Variants in WDR81 observed in about 807,000 individuals in gnomAD.
The protein encoded by WDR81 is WD repeat domain 81.
Under a neutral mutation model 140.8 loss-of-function variants are expected in WDR81, and 92 were observed. The ratio of observed to expected loss-of-function variants is 0.65; its 90% confidence interval spans 0.55 to 0.78. The LOEUF is 0.78. Ranked by LOEUF, WDR81 falls within the 30% of genes least tolerant of loss-of-function variation. The pLI is 0.00. For synonymous variants in WDR81, 1,183 were observed against 1,156.4 expected, an observed-to-expected ratio of 1.02 and a Z score of -0.47; for missense variants, 2,502 against 2,636.4, an observed-to-expected ratio of 0.95 and a Z score of 1.12.
chr17:1,735,726 G>A lies in WDR81; in HGVS notation c.5325+9G>A. ...GGAAGCCTGGTCTGCAGGTCAGGGG[G>A]GTCCAGTTCCCTGAGCACTCGCCTG... On this transcript the variant is annotated intron_variant, in intron 8 of 9. Transcript: ENST00000409644. This position sits in a 1 kb window ranked among gnomAD's most constrained non-coding sequence, Gnocchi z 4.2. 1 of 1,605,502 alleles carries A rather than the reference G, an allele frequency of 6.2e-7. No individual in the cohort carries two copies. The highest frequency in any genetic ancestry group is 8.5e-7 in the Non-Finnish European group (1 of 1,176,138).
At chr17:1,730,322 G>A (rs1915603394) in intron 1 of WDR81, 58 bp from the exon 2 acceptor site, 1 of 1,422,696 alleles carries the variant, frequency 7.0e-7, no homozygotes, top group Non-Finnish European at 9.6e-7. Flanking sequence ...GGGGTGGGGT[G>A]GGAGGGGTGA....
chr17:1,731,318 G>C (rs1213164271), intron 4 of WDR81, 60 bp downstream of exon 4: 5 of 1,549,624 alleles, frequency 3.2e-6, no homozygotes, highest in Admixed American at 1.9e-5. Flanking sequence ...TGCCCAGGAG[G>C]GGGTGGGAAG....
At position 1,737,946 on chromosome 17, in the gene WDR81, G is replaced by C. The variant is rs1905026527; in HGVS notation, c.*261G>C. ...CCTAGCAAGCAGGAAGTTAAGAGCAGGAGGAAGCGTTGCTACCTTCACTTC... is the reference window on the plus strand; with the variant it reads ...CCTAGCAAGCAGGAAGTTAAGAGCACGAGGAAGCGTTGCTACCTTCACTTC... On this transcript the variant is annotated 3_prime_UTR_variant, in exon 10 of 10. Transcript: ENST00000409644. 9 of 574,842 alleles carry C rather than the reference G, an allele frequency of 1.6e-5. No individual in the cohort carries two copies. The South Asian group carries it at 2.0e-4, about 13-fold the overall frequency. 35.6% of individuals were successfully genotyped at this position (574,842 alleles called of 1,614,324 possible). A position where few individuals can be genotyped will look rare whatever the true frequency, so the allele number is the denominator to read the frequency against.
rs750321541 is a variant in WDR81 at position 1,725,839 on chromosome 17, A to C, written c.880A>C (p.Lys294Gln). Residue 294 changes from lysine (K) to glutamine (Q), a missense_variant, in exon 1 of 10, where the codon AAG becomes CAG. This residue lies in a region of WDR81 where 547 missense variants were observed against 513.8 expected (regional missense o/e 1.06). Coordinates refer to ENST00000409644, the MANE Select transcript of WDR81 (RefSeq NM_001163809.2). ...TTTGTATCACATCGCAGTGGATGAG[A>C]AGCTTTGCAGCGAGCTGCGACTGGA... ...LSLYHIAVDE[K>Q]LCSELRLDLS... 362 of 1,550,568 alleles carry C rather than the reference A, an allele frequency of 2.3e-4. No homozygotes were observed. Among genetic ancestry groups the C allele is most frequent in the Non-Finnish European group, 3.0e-4 (339 of 1,146,910 alleles).
intron 1 of WDR81, among the ~76,000 whole-genome samples, chr17:1,718,373 C>T (rs561203253): frequency 6.6e-6 from 1 of 152,356 alleles, no homozygotes; most frequent in East Asian, 1.9e-4. Context: ...CCGCCTCGGT[C>T]TCCCAAAGTG....
rs1238396733 is a variant in WDR81, at chr17:1,734,078, G to A, written c.5041G>A (p.Gly1681Ser). The change falls in exon 7 of 10, where the codon GGC becomes AGC. Residue 1681 changes from glycine (G) to serine (S), a missense_variant. By Grantham distance (56) the Gly-to-Ser change is moderately conservative. Around this residue, in one of 3 missense-constraint regions of WDR81, gnomAD observed 1,737 missense variants for 1,843.0 expected, o/e 0.94. Transcript: ENST00000409644. ...GCGCCTCTGGCCGCTGTACAACTAC[G>A]GCGACGGGACCAGCGAGACGGCCCC... ...TVRLWPLYNY[G>S]DGTSETAPRL... 2.1e-5 allele frequency: 34 copies of A among 1,604,352 alleles called. No homozygotes were observed. The highest frequency in any genetic ancestry group is 2.7e-5 in the Non-Finnish European group (32 of 1,179,902).
chr17:1,722,734 C>G (rs1390740370), upstream of WDR81, among the ~76,000 whole-genome samples: 4 of 150,866 alleles, frequency 2.7e-5, no homozygotes, highest in African/African-American at 9.8e-5. Flanking sequence ...ACTCTGCCAC[C>G]CAGGCTGGAG....
chr17:1,725,738 T>C lies in WDR81; in HGVS notation c.779T>C (p.Val260Ala). 1 of 1,550,528 alleles carries C rather than the reference T, an allele frequency of 6.4e-7. No homozygotes were observed. The highest frequency in any genetic ancestry group is 8.7e-7 in the Non-Finnish European group (1 of 1,147,030). ...AAGCTGACCAACAGCCAGGCCAAGG[T>C]GCTGTTCATTCTCTTCCGCGTGCTG... is the stretch of plus-strand genomic sequence containing the variant. ...PAKLTNSQAK[V>A]LFILFRVLRA... The change falls in exon 1 of 10, where the codon GTG becomes GCG. Residue 260 changes from valine (V) to alanine (A), a missense_variant. By Grantham distance (64) the Val-to-Ala change is moderately conservative. This residue lies in a region of WDR81 where 547 missense variants were observed against 513.8 expected (regional missense o/e 1.06). Transcript: ENST00000409644.
intron 4 of WDR81, 41 bp downstream of exon 4, chr17:1,731,299 C>CG: frequency 6.3e-7 from 1 of 1,590,166 alleles, no homozygotes; most frequent in Non-Finnish European, 8.6e-7. Flanking sequence ...ACCGGCCCAG[C>CG]GGAGGGGCTG....
At chr17:1,737,261 T>C in intron 9 of WDR81, 104 bp from the exon 10 acceptor site, 1 of 1,210,202 alleles carries the variant, frequency 8.3e-7, no homozygotes, top group Non-Finnish European at 1.1e-6. Context: ...CAGGACGGCC[T>C]GTCTCCCTGG....
Position 1,725,708 on chromosome 17 carries a change from C to A in WDR81, c.749C>A (p.Pro250His), listed in dbSNP as rs1402580593. The stretch of plus-strand genomic sequence containing the variant: ...CTACATGACGTGGTCACCTTCAGCC[C>A]TGCCAAGCTGACCAACAGCCAGGCC... ...FSLHDVVTFSPAKLTNSQAKV... is the reference protein window; with the variant it reads ...FSLHDVVTFSHAKLTNSQAKV... The change falls in exon 1 of 10, where the codon CCT becomes CAT. Residue 250 changes from proline to histidine, a missense_variant. Pro to His is a moderately conservative substitution (Grantham distance 77). Transcript: ENST00000409644. The A allele has an allele frequency of 1.3e-5, 20 of 1,550,132 alleles. No individual in the cohort carries two copies. Among genetic ancestry groups the A allele is most frequent in the Non-Finnish European group, 1.6e-5 (18 of 1,147,046 alleles).
At position 1,725,341 on chromosome 17, in the gene WDR81, G is replaced by A; in HGVS notation, c.382G>A (p.Gly128Arg). The stretch of plus-strand genomic sequence containing the variant: ...GGGCGGGGGCCTGCCCTTTGAGGAC[G>A]GGTCCTGCGGCCCTGAGACCCTCAC... ...PLGGGLPFED[G>R]SCGPETLTRF... The change falls in exon 1 of 10, where the codon GGG (glycine) becomes AGG (arginine). Residue 128 changes from glycine to arginine, a missense_variant. Physicochemically the swap from Gly to Arg is moderately radical, Grantham distance 125 (BLOSUM62 -2). This residue lies in a region of WDR81 where 547 missense variants were observed against 513.8 expected (regional missense o/e 1.06). Coordinates refer to ENST00000409644, the MANE Select transcript of WDR81 (RefSeq NM_001163809.2). The A allele has an allele frequency of 6.5e-7, 1 of 1,549,098 alleles. No individual in the cohort carries two copies. Among genetic ancestry groups the A allele is most frequent in the African/African-American group, 1.4e-5 (1 of 73,190 alleles).
upstream of WDR81, chr17:1,724,631 A>C (rs1915082924): frequency 2.0e-6 from 2 of 1,009,602 alleles, no homozygotes. Context: ...CCGGGCAGGA[A>C]GCGGGGTCCC....
At position 1,738,065 on chromosome 17, in the gene WDR81, G is replaced by A; in HGVS notation, c.*380G>A. ...TGCCCAGCCGGTCTCTAGCCCCTCA[G>A]CCCCCGCTGGGCACTCTCTGTCCCA... On this transcript the variant is annotated 3_prime_UTR_variant, in exon 10 of 10. Coordinates refer to ENST00000409644, the MANE Select transcript of WDR81 (RefSeq NM_001163809.2). 1 of 307,794 alleles carries A rather than the reference G, an allele frequency of 3.2e-6. No homozygotes were observed. The highest frequency in any genetic ancestry group is 3.9e-5 in the South Asian group (1 of 25,352). 19.1% of individuals were successfully genotyped at this position (307,794 alleles called of 1,614,324 possible). A position where few individuals can be genotyped will look rare whatever the true frequency, so the allele number is the denominator to read the frequency against.
intron 1 of WDR81, among the ~76,000 whole-genome samples, chr17:1,718,528 T>C (rs1009640940): frequency 2.0e-5 from 3 of 152,064 alleles, no homozygotes; most frequent in African/African-American, 4.8e-5. Context: ...ATAGCAAGGG[T>C]CCTAATTGCT....
In WDR81 at chr17:1,732,489, A is replaced by G; in HGVS notation, c.4322A>G (p.Gln1441Arg). The stretch of plus-strand genomic sequence containing the variant: ...TCTCAGCTGCATGAGCTTCGGCAAC[A>G]GGTGGGCAGATCTGCTGGGCCAGGG... ...VFSQLHELRQ[Q>R]DLKLDPAGRG... Residue 1441 changes from glutamine (Q) to arginine (R), a missense_variant and splice_region_variant, in exon 5 of 10, where the codon CAG becomes CGG. Around this residue, in one of 3 missense-constraint regions of WDR81, gnomAD observed 1,737 missense variants for 1,843.0 expected, o/e 0.94. Transcript: ENST00000409644. The G allele has an allele frequency of 7.2e-7, 1 of 1,394,176 alleles. No homozygotes were observed. The highest frequency in any genetic ancestry group is 9.7e-7 in the Non-Finnish European group (1 of 1,032,482). The allele number at this position is 1,394,176 out of a possible 1,614,324, so 86.4% of individuals were successfully genotyped here.
Position 1,730,441 on chromosome 17 carries a change from C to A in WDR81, c.3729C>A (p.Arg1243=). The change falls in exon 2 of 10, where the codon CGC becomes CGA. Residue 1243 remains arginine, a synonymous_variant. Coordinates refer to ENST00000409644, the MANE Select transcript of WDR81 (RefSeq NM_001163809.2). ...AGCTCGGCCCCACAGTGGCCTCTCG[C>A]CACGTGGCCCGGAACCTGCTCCGCC... ...SAKLGPTVAS[R]HVARNLLRLL... The A allele has an allele frequency of 3.1e-6, 5 of 1,613,312 alleles. No homozygotes were observed. Among genetic ancestry groups the A allele is most frequent in the Non-Finnish European group, 4.2e-6 (5 of 1,179,952 alleles).
chr17:1,721,699 G>A (rs1054973319), upstream of WDR81, among the ~76,000 whole-genome samples: 2 of 151,566 alleles, frequency 1.3e-5, no homozygotes, highest in South Asian at 2.1e-4. Flanking sequence ...GCACATTCCT[G>A]TAGTCCCAGC....
rs557481891 is a variant in WDR81 at position 1,737,787 on chromosome 17, G to T, written c.*102G>T. The stretch of plus-strand genomic sequence containing the variant: ...GCAGCTCCCTCCAGGGAGGCCCTGG[G>T]TCCCACGCCCTGGGTGCCCACATGG... On this transcript the variant is annotated 3_prime_UTR_variant, in exon 10 of 10. Coordinates refer to ENST00000409644, the MANE Select transcript of WDR81 (RefSeq NM_001163809.2). 4 of 1,415,730 alleles carry T rather than the reference G, an allele frequency of 2.8e-6. No homozygotes were observed. The East Asian group carries it at 7.5e-5, about 26-fold the overall frequency. 87.7% of individuals were successfully genotyped at this position (1,415,730 alleles called of 1,614,324 possible).
Sources: gnomAD v4.1 joint callset for allele counts (sites outside exome capture counted in the v4.1 genomes callset) on GRCh38, gnomAD v4.1.1 for gene constraint, gnomAD v4.1.1 regional missense constraint, Gnocchi (gnomAD v3.1) non-coding constraint, MANE v1.5 for transcripts, NCBI Gene and HGNC (gene_info 2026-07-23, HGNC 2026-07-21) for gene names.